Variants in TPTE2 observed in about 807,000 individuals in gnomAD.
TPTE2 encodes the protein transmembrane phosphoinositide 3-phosphatase and tensin homolog 2, also known as phosphatidylinositol 3,4,5-trisphosphate 3-phosphatase TPTE2.
TPTE2 carries 53 observed loss-of-function variants against 78.6 expected under a neutral mutation model. That is an observed-to-expected ratio of 0.67 (90% CI 0.54 to 0.85). The LOEUF is 0.85. TPTE2 is among the 40% of genes least tolerant of loss of function. The pLI is 0.00. For synonymous variants in TPTE2, 175 were observed against 206.2 expected (o/e 0.85, Z 1.30); for missense variants, 461 against 623.0 (o/e 0.74, Z 2.77).
At chr13:19,490,727 G>A (rs1167199904) in intron 3 of TPTE2, among the ~76,000 whole-genome samples, 2 of 152,360 alleles carry the variant, frequency 1.3e-5, no homozygotes, top group South Asian at 2.1e-4. Context: ...CGATCTGATG[G>A]TGGGTTTACC....
chr13:19,512,111 A>G (rs1160200006), intron 1 of TPTE2, among the ~76,000 whole-genome samples: 7 of 152,242 alleles, frequency 4.6e-5, no homozygotes, highest in African/African-American at 1.7e-4. Context: ...AAAACAGTGT[A>G]ATATTCAATA....
intron 5 of TPTE2, 105 bp downstream of exon 8, chr13:19,475,468 T>C (rs2137593334): frequency 1.5e-6 from 2 of 1,297,108 alleles, no homozygotes; most frequent in Admixed American, 2.3e-5. Flanking sequence ...TCATGTGATC[T>C]GCCCGCCTCA....
At chr13:19,441,868 T>G (rs1179013245) in intron 13 of TPTE2, among the ~76,000 whole-genome samples, 1 of 152,196 alleles carries the variant, frequency 6.6e-6, no homozygotes, top group African/African-American at 2.4e-5. Context: ...TGAGAGAATT[T>G]AGGAAGATTT....
intron 3 of TPTE2, among the ~76,000 whole-genome samples, chr13:19,487,408 G>T (rs1416809767): frequency 6.6e-6 from 1 of 152,088 alleles, no homozygotes; most frequent in African/African-American, 2.4e-5. Context: ...GGCCTGCAAG[G>T]CTGTTTCTCA....
chr13:19,439,157 G>C (rs1877320620), intron 13 of TPTE2, among the ~76,000 whole-genome samples: 1 of 152,138 alleles, frequency 6.6e-6, no homozygotes, highest in Admixed American at 6.5e-5. Context: ...AGGGAGCTCA[G>C]ATTAATGTGT....
chr13:19,494,066 C>T (rs1881165415), intron 1 of TPTE2, among the ~76,000 whole-genome samples: 2 of 152,166 alleles, frequency 1.3e-5, no homozygotes, highest in South Asian at 4.1e-4. Flanking sequence ...CACAGTTCCC[C>T]AAGTACTCCT....
chr13:19,452,489 TACTC>T (rs1410973831), intron 10 of TPTE2, among the ~76,000 whole-genome samples: 2 of 152,112 alleles, frequency 1.3e-5, no homozygotes, highest in Non-Finnish European at 2.9e-5. Context: ...ACTTAAATAT[TACTC>T]ACTCACCTTA....
intron 1 of TPTE2, among the ~76,000 whole-genome samples, chr13:19,516,156 GAGTT>G (rs1869777454): frequency 6.6e-6 from 1 of 152,322 alleles, no homozygotes; most frequent in East Asian, 1.9e-4. Flanking sequence ...ACAGAAGTTT[GAGTT>G]AGGTGGAGGT....
chr13:19,506,426 G>T (rs1350693261), upstream of TPTE2, among the ~76,000 whole-genome samples: 1 of 151,902 alleles, frequency 6.6e-6, no homozygotes, highest in African/African-American at 2.4e-5. Flanking sequence ...GCCCGCCTTG[G>T]CCTCCCAAAG....
chr13:19,448,897 T>C (rs1878003811), intron 13 of TPTE2, among the ~76,000 whole-genome samples: 1 of 152,330 alleles, frequency 6.6e-6, no homozygotes, highest in South Asian at 2.1e-4. Context: ...AATCTAAATG[T>C]CATCAGTGGA....
intron 4 of TPTE2, among the ~76,000 whole-genome samples, chr13:19,480,793 A>G (rs994682929): frequency 6.6e-6 from 1 of 152,214 alleles, no homozygotes; most frequent in Admixed American, 6.5e-5. Context: ...GCACATATCA[A>G]TATCAATAGC....
intron 15 of TPTE2, among the ~76,000 whole-genome samples, chr13:19,433,313 C>T (rs1395321277): frequency 1.3e-4 from 20 of 152,040 alleles, no homozygotes; most frequent in Non-Finnish European, 2.4e-4. Context: ...AGACCAGCCT[C>T]GCCAACAGGG....
the TPTE2 span, among the ~76,000 whole-genome samples, chr13:19,552,050 C>T: frequency 6.6e-6 from 1 of 152,198 alleles, no homozygotes; most frequent in South Asian, 2.1e-4. Flanking sequence ...AGATGATATT[C>T]TGTTGCCAGT....
chr13:19,457,341 G>A (rs1878599314), intron 10 of TPTE2, among the ~76,000 whole-genome samples: 1 of 152,116 alleles, frequency 6.6e-6, no homozygotes, highest in African/African-American at 2.4e-5. Flanking sequence ...GTACATCAGG[G>A]CATATGTATA....
At chr13:19,529,023 G>T (rs1158490945) in intron 1 of TPTE2, among the ~76,000 whole-genome samples, 2 of 152,320 alleles carry the variant, frequency 1.3e-5, no homozygotes, top group South Asian at 2.1e-4. Flanking sequence ...GGAAGCTGAG[G>T]CAGGAGAATC....
chr13:19,433,577 C>G (rs968409630), intron 15 of TPTE2, among the ~76,000 whole-genome samples: 13 of 152,136 alleles, frequency 8.5e-5, no homozygotes, highest in Non-Finnish European at 1.8e-4. Flanking sequence ...GGGAAATGTT[C>G]ATTAAAGTAA....
the TPTE2 span, among the ~76,000 whole-genome samples, chr13:19,551,496 G>T: frequency 6.6e-6 from 1 of 152,064 alleles, no homozygotes; most frequent in African/African-American, 2.4e-5. Context: ...TTGGGATTGA[G>T]AATTGCTTGA....
the TPTE2 span, among the ~76,000 whole-genome samples, chr13:19,549,458 A>C: frequency 1.3e-5 from 2 of 152,202 alleles, no homozygotes; most frequent in East Asian, 3.8e-4. Flanking sequence ...ATGAGATACC[A>C]CTGCACACCA....
the TPTE2 span, among the ~76,000 whole-genome samples, chr13:19,546,194 C>T: frequency 2.6e-5 from 4 of 152,032 alleles, no homozygotes; most frequent in Non-Finnish European, 2.9e-5. Context: ...TGACACCACA[C>T]CTCTTAAAAG....
Sources: allele counts gnomAD v4.1 joint callset (sites outside exome capture counted in the v4.1 genomes callset), GRCh38; gene constraint gnomAD v4.1.1; transcripts MANE v1.5; gene names NCBI Gene and HGNC (gene_info 2026-07-23, HGNC 2026-07-21).